The following STEAP4 variants were observed in gnomAD, a reference collection of about 807,000 sequenced individuals.
STEAP4 encodes the protein STEAP4 metalloreductase, also known as metalloreductase STEAP4.
In STEAP4, 36 loss-of-function variants were observed where a neutral mutation model predicts 43.6. The observed-to-expected ratio is 0.83, with a 90% CI of 0.63 to 1.09. STEAP4 has a LOEUF of 1.09. Ranked by LOEUF, STEAP4 falls within the 50% of genes least tolerant of loss-of-function variation. The probability of loss-of-function intolerance (pLI) is 0.00; values close to 1 mark genes in which losing one functional copy is unlikely to be tolerated. For missense variants in STEAP4, 495 were observed against 546.5 expected (o/e 0.91, Z 0.94); for synonymous variants, 191 against 196.7 (o/e 0.97, Z 0.24).
In STEAP4 at chr7:88,270,950, A is replaced by T. The variant is rs1852431970; in HGVS notation, c.*8448T>A. 6.6e-6 allele frequency: 1 copy of T among 152,254 alleles called. No individual in the cohort carries two copies. The highest frequency in any genetic ancestry group is 1.5e-5 in the Non-Finnish European group (1 of 67,990). The allele number at this position is 152,254 out of a possible 1,614,324, so 9.4% of individuals were successfully genotyped here. On this transcript the variant is annotated 3_prime_UTR_variant, in exon 5 of 5. Transcript: ENST00000380079. ...TAATTGACACACGATAATTATACAT[A>T]TTTATGGGGTACATAGTGACATTGC... is the stretch of plus-strand genomic sequence containing the variant.
At chr7:88,298,545 G>C (rs1019047008) in intron 1 of STEAP4, among the ~76,000 whole-genome samples, 2 of 151,176 alleles carry the variant, frequency 1.3e-5, no homozygotes, top group Non-Finnish European at 2.9e-5. Context: ...TTGAGTTAAA[G>C]AGAGCAAAAG....
rs750083293 is a variant in STEAP4 at position 88,283,934 on chromosome 7, T to C, written c.336A>G (p.Gln112=). 3.7e-6 allele frequency: 6 copies of C among 1,614,006 alleles called. No individual in the cohort carries two copies. The highest frequency in any genetic ancestry group is 2.7e-5 in the African/African-American group (2 of 74,918). ...GGTACTCTGCATTAGATTCTGGATA[T>C]TGATTGATTTTGAGGTTGTTGCTGA... ...VDISNNLKIN[Q]YPESNAEYLA... Residue 112 remains glutamine, a synonymous_variant, in exon 2 of 5, where the codon CAA becomes CAG. Transcript: ENST00000380079.
intron 1 of STEAP4, among the ~76,000 whole-genome samples, chr7:88,305,364 A>C (rs1853111162): frequency 6.6e-6 from 1 of 152,220 alleles, no homozygotes; most frequent in Non-Finnish European, 1.5e-5. Flanking sequence ...ATATTGTGCT[A>C]AATCACAGCA....
chr7:88,283,195 T>C, intron 2 of STEAP4, 27 bp from the exon 3 acceptor site: 1 of 1,513,170 alleles, frequency 6.6e-7, no homozygotes, highest in Non-Finnish European at 8.8e-7. Flanking sequence ...TAATTAATTC[T>C]GTATTTACTC....
rs1852511445 is a variant in STEAP4, at chr7:88,276,241, G to A, written c.*3157C>T. 1 of 152,234 alleles carries A rather than the reference G, an allele frequency of 6.6e-6. No homozygotes were observed. Among genetic ancestry groups the A allele is most frequent in the African/African-American group, 2.4e-5 (1 of 41,444 alleles). The allele number at this position is 152,234 out of a possible 1,614,324, so 9.4% of individuals were successfully genotyped here. A position where few individuals can be genotyped will look rare whatever the true frequency, so the allele number is the denominator to read the frequency against. On this transcript the variant is annotated 3_prime_UTR_variant, in exon 5 of 5. Transcript: ENST00000380079. ...GACTGTGCCACCCCGCTGAGCTCAA[G>A]CTTACATTGCAAGAAGCTGCAGATC...
Position 88,274,180 on chromosome 7 carries a change from T to A in STEAP4, c.*5218A>T, listed in dbSNP as rs866892797. The A allele has an allele frequency of 3.9e-5, 6 of 152,324 alleles. 1 individual carries two copies. The South Asian group carries it at 1.2e-3, about 32-fold the overall frequency. The allele number at this position is 152,324 out of a possible 1,614,324, so 9.4% of individuals were successfully genotyped here. A position where few individuals can be genotyped will look rare whatever the true frequency, so the allele number is the denominator to read the frequency against. On this transcript the variant is annotated 3_prime_UTR_variant, in exon 5 of 5. Transcript: ENST00000380079. Reference sequence around the variant, plus strand: ...AAGTACTGAGATTTCAAAGCTCAGTTTCCTCTTCTGATAAATAAGGATAAG... The same window carrying A: ...AAGTACTGAGATTTCAAAGCTCAGTATCCTCTTCTGATAAATAAGGATAAG...
rs891446585 is a variant in STEAP4 at position 88,277,459 on chromosome 7, T to C, written c.*1939A>G. 6.6e-6 allele frequency: 1 copy of C among 152,224 alleles called. No homozygotes were observed. The highest frequency in any genetic ancestry group is 1.5e-5 in the Non-Finnish European group (1 of 68,036). The allele number at this position is 152,224 out of a possible 1,614,324, so 9.4% of individuals were successfully genotyped here. On this transcript the variant is annotated 3_prime_UTR_variant, in exon 5 of 5. Transcript: ENST00000380079. ...CTTGGCAACATTATCAGTGCAAAGA[T>C]ATTATCTGAAATGTTATTTATTTTA...
chr7:88,283,852 A>C lies in STEAP4; in HGVS notation c.418T>G (p.Trp140Gly). The C allele has an allele frequency of 6.2e-7, 1 of 1,614,154 alleles. No individual in the cohort carries two copies. The highest frequency in any genetic ancestry group is 1.1e-5 in the South Asian group (1 of 91,086). The change falls in exon 2 of 5, where the codon TGG (tryptophan) becomes GGG (glycine). Residue 140 changes from tryptophan to glycine, a missense_variant. Trp to Gly is a radical substitution (Grantham distance 184, BLOSUM62 -2). Transcript: ENST00000380079. ...VVKAFNTISA[W>G]ALQSGALDAS... ...TCCAGTGCTCCTGACTGGAGAGCCC[A>C]GGCTGAGATGGTGTTAAATGCTTTT... is the stretch of plus-strand genomic sequence containing the variant.
intron 1 of STEAP4, among the ~76,000 whole-genome samples, chr7:88,301,990 C>T (rs947250283): frequency 2.6e-5 from 4 of 152,234 alleles, no homozygotes. Context: ...AAGGTTCCTG[C>T]AGTTTCTTCT....
chr7:88,274,704 G>A lies in STEAP4; in HGVS notation c.*4694C>T, dbSNP rs1218700537. 6.6e-6 allele frequency: 1 copy of A among 152,148 alleles called. No homozygotes were observed. The highest frequency in any genetic ancestry group is 1.5e-5 in the Non-Finnish European group (1 of 68,034). 9.4% of individuals were successfully genotyped at this position (152,148 alleles called of 1,614,324 possible). Reference sequence around the variant, plus strand: ...CTGAGTATAGTTATAGTTATTTCTTGATTATATGCTAAACAAGGGATGGAT... The same window carrying A: ...CTGAGTATAGTTATAGTTATTTCTTAATTATATGCTAAACAAGGGATGGAT... On this transcript the variant is annotated 3_prime_UTR_variant, in exon 5 of 5. Transcript: ENST00000380079.
intron 1 of STEAP4, among the ~76,000 whole-genome samples, chr7:88,306,209 T>A (rs182455889): frequency 4.3e-4 from 65 of 152,272 alleles, no homozygotes; most frequent in African/African-American, 1.5e-3. Context: ...TAAATTACCA[T>A]CTAGAGGTGG....
chr7:88,283,280 G>C, intron 2 of STEAP4, 112 bp from the exon 3 acceptor site: 2 of 1,117,318 alleles, frequency 1.8e-6, no homozygotes, highest in Non-Finnish European at 2.4e-6. Context: ...ACAGTGAACC[G>C]ATTTTAAAAT....
chr7:88,293,991 TA>T (rs1005791302), intron 1 of STEAP4, among the ~76,000 whole-genome samples: 2 of 152,002 alleles, frequency 1.3e-5, no homozygotes, highest in African/African-American at 4.8e-5. Context: ...ATGCTTAAAT[TA>T]AAAAAAATGC....
At chr7:88,306,139 G>A (rs1374020798) in intron 1 of STEAP4, among the ~76,000 whole-genome samples, 1 of 152,184 alleles carries the variant, frequency 6.6e-6, no homozygotes, top group Non-Finnish European at 1.5e-5. Context: ...AAAGTGTTGG[G>A]ATAACAGGCT....
At chr7:88,304,640 TTGTG>T (rs148793788) in intron 1 of STEAP4, among the ~76,000 whole-genome samples, 9 of 147,672 alleles carry the variant, frequency 6.1e-5, no homozygotes, top group East Asian at 2.0e-4. Context: ...GTTGCTGCTG[TTGTG>T]TGTGTGTGTG....
rs1372472859 is a variant in STEAP4 at position 88,284,208 on chromosome 7, G to A, written c.62C>T (p.Thr21Ile). ...ATCACCAGTTCCAAAAATACATACA[G>A]TCTCTTGCTTTTCTGAAGAATTCAT... Reference protein sequence around the residue: ...LTMNSSEKQETVCIFGTGDFG... With the variant: ...LTMNSSEKQEIVCIFGTGDFG... Residue 21 changes from threonine to isoleucine, a missense_variant, in exon 2 of 5, where the codon ACT becomes ATT. Transcript: ENST00000380079. 1 of 1,612,942 alleles carries A rather than the reference G, an allele frequency of 6.2e-7. No homozygotes were observed. The highest frequency in any genetic ancestry group is 1.7e-5 in the Admixed American group (1 of 59,918).
At chr7:88,304,221 A>T (rs1586756781) in intron 1 of STEAP4, 1 of 152,260 alleles carries the variant, frequency 6.6e-6, no homozygotes, top group East Asian at 1.9e-4. Context: ...GCATTGGGAG[A>T]TATACCTAAT....
chr7:88,300,996 T>C (rs1333340722), intron 1 of STEAP4, among the ~76,000 whole-genome samples: 2 of 152,140 alleles, frequency 1.3e-5, no homozygotes, highest in African/African-American at 4.8e-5. Flanking sequence ...TTTAGACTCT[T>C]GGTTCCCTAA....
chr7:88,274,134 T>C lies in STEAP4; in HGVS notation c.*5264A>G, dbSNP rs1021483645. The C allele has an allele frequency of 1.3e-5, 2 of 152,226 alleles. No individual in the cohort carries two copies. The highest frequency in any genetic ancestry group is 4.8e-5 in the African/African-American group (2 of 41,454). 9.4% of individuals were successfully genotyped at this position (152,226 alleles called of 1,614,324 possible). A position where few individuals can be genotyped will look rare whatever the true frequency, so the allele number is the denominator to read the frequency against. On this transcript the variant is annotated 3_prime_UTR_variant, in exon 5 of 5. Transcript: ENST00000380079. ...GCCTAGATCCCAGCTCTGCCTCTCA[T>C]TAGTTGTGTGAACTTAGTCAAAGTA... is the stretch of plus-strand genomic sequence containing the variant.
Sources: gnomAD v4.1 joint callset for allele counts (sites outside exome capture counted in the v4.1 genomes callset) on GRCh38, gnomAD v4.1.1 for gene constraint, MANE v1.5 for transcripts, NCBI Gene and HGNC (gene_info 2026-07-23, HGNC 2026-07-21) for gene names.